The following SKIDA1 variants were observed in gnomAD, a reference collection of about 807,000 sequenced individuals.
The protein encoded by SKIDA1 is SKI/DACH domain containing 1.
In SKIDA1, 18 loss-of-function variants were observed where a neutral mutation model predicts 51.4. The ratio of observed to expected loss-of-function variants is 0.35; its 90% confidence interval spans 0.24 to 0.52. The LOEUF is 0.52. SKIDA1 is among the 20% of genes least tolerant of loss of function. SKIDA1 has a pLI of 0.95. For missense variants in SKIDA1, 1,104 were observed against 1,180.6 expected, an observed-to-expected ratio of 0.94 and a Z score of 0.95; for synonymous variants, 579 against 500.5, an observed-to-expected ratio of 1.16 and a Z score of -2.09.
chr10:21,521,784 C>T (rs553041275), intron 2 of SKIDA1, among the ~76,000 whole-genome samples: 4 of 152,232 alleles, frequency 2.6e-5, no homozygotes, highest in African/African-American at 9.6e-5. Flanking sequence ...AAAGGAAAAT[C>T]CTCTTTAGCA....
Position 21,514,834 on chromosome 10 carries a change from A to C in SKIDA1, c.*262T>G. On this transcript the variant is annotated 3_prime_UTR_variant, in exon 4 of 4. Coordinates refer to ENST00000449193, the MANE Select transcript of SKIDA1 (RefSeq NM_207371.4). ...AAAGTGTTCCAGCTCTACCGTAATA[A>C]CTGAGTTTTACTTGAGTCTTTAGCC... The C allele has an allele frequency of 2.7e-6, 1 of 368,042 alleles. No homozygotes were observed. Among genetic ancestry groups the C allele is most frequent in the Non-Finnish European group, 4.8e-6 (1 of 208,384 alleles). The allele number at this position is 368,042 out of a possible 1,614,324, so 22.8% of individuals were successfully genotyped here.
At chr10:21,520,471 C>T (rs2032361552) in intron 3 of SKIDA1, among the ~76,000 whole-genome samples, 2 of 3,952 alleles carry the variant, frequency 5.1e-4, no homozygotes, top group Admixed American at 1.6e-3. Context: ...CTCGCCCTCC[C>T]ACCCCCACCC....
At position 21,516,158 on chromosome 10, in the gene SKIDA1, G is replaced by A. The variant is rs1797275557; in HGVS notation, c.1665C>T (p.Phe555=). 1 of 1,614,000 alleles carries A rather than the reference G, an allele frequency of 6.2e-7. No homozygotes were observed. Among genetic ancestry groups the A allele is most frequent in the Non-Finnish European group, 8.5e-7 (1 of 1,179,894 alleles). Residue 555 remains phenylalanine (F), a synonymous_variant, in exon 4 of 4, where the codon TTC becomes TTT. Coordinates refer to ENST00000449193, the MANE Select transcript of SKIDA1 (RefSeq NM_207371.4). This position sits in a 1 kb window ranked among gnomAD's most constrained non-coding sequence, Gnocchi z 5.7. ...IRNDRVSEIT[F]PHSEISNAVK... is the part of the protein sequence containing the mutation. ...CAGCATTGGAAATTTCAGAGTGTGG[G>A]AATGTAATCTCAGATACCCTATCGT...
chr10:21,516,342 G>T lies in SKIDA1; in HGVS notation c.1481C>A (p.Thr494Asn), dbSNP rs1430829842. 7.4e-6 allele frequency: 12 copies of T among 1,613,530 alleles called. No homozygotes were observed. The highest frequency in any genetic ancestry group is 3.3e-5 in the Admixed American group (2 of 60,010). The change falls in exon 4 of 4, where the codon ACC becomes AAC. Residue 494 changes from threonine to asparagine, a missense_variant. Coordinates refer to ENST00000449193, the MANE Select transcript of SKIDA1 (RefSeq NM_207371.4). This position sits in a 1 kb window ranked among gnomAD's most constrained non-coding sequence, Gnocchi z 5.7. ...LYHLASAAAA[T>N]KPAAFEDAGR... ...GGCATCCTCGAAAGCAGCGGGTTTG[G>T]TTGCAGCGGCGGCGGAGGCCAGATG... is the stretch of plus-strand genomic sequence containing the variant.
At chr10:21,525,520 C>G (rs2032696178) in intron 1 of SKIDA1, 27 bp downstream of exon 1, 2 of 152,272 alleles carry the variant, frequency 1.3e-5, no homozygotes, top group African/African-American at 4.8e-5. Flanking sequence ...CGCTCCACCC[C>G]ACCCCGCCTC....
chr10:21,525,111 G>A (rs1420338462), intron 1 of SKIDA1, among the ~76,000 whole-genome samples: 1 of 152,220 alleles, frequency 6.6e-6, no homozygotes, highest in Admixed American at 6.5e-5. Flanking sequence ...TTCGAACTCA[G>A]TCATTTAAAT....
Position 21,521,438 on chromosome 10 carries a change from C to T in SKIDA1, c.-1886G>A, listed in dbSNP as rs963095714. 1.3e-5 allele frequency: 2 copies of T among 152,590 alleles called. No individual in the cohort carries two copies. Among genetic ancestry groups the T allele is most frequent in the Admixed American group, 1.3e-4 (2 of 15,276 alleles). The allele number at this position is 152,590 out of a possible 1,614,324, so 9.5% of individuals were successfully genotyped here. A position where few individuals can be genotyped will look rare whatever the true frequency, so the allele number is the denominator to read the frequency against. On this transcript the variant is annotated 5_prime_UTR_variant, in exon 3 of 4. An upstream open reading frame in the 5' UTR gains an earlier in-frame stop. Transcript: ENST00000449193. ...GTATAAAGTACTATTCTTCAAAAGC[C>T]AGGGGGTTTCTTTGATAAATTTGTT...
At chr10:21,524,340 A>G (rs2032555732) in intron 1 of SKIDA1, among the ~76,000 whole-genome samples, 1 of 152,154 alleles carries the variant, frequency 6.6e-6, no homozygotes, top group African/African-American at 2.4e-5. Flanking sequence ...ACATCTGTCT[A>G]AGCAGCGCAT....
In SKIDA1 at chr10:21,516,870, G is replaced by T; in HGVS notation, c.953C>A (p.Ala318Glu). Reference protein sequence around the residue: ...AAAAAAAAAAAGATCLERFHL... With the variant: ...AAAAAAAAAAEGATCLERFHL... ...AAACCTCTCCAGGCAAGTGGCCCCC[G>T]CGGCGGCCGCCGCCGCCGCTGCCGC... The change falls in exon 4 of 4, where the codon GCG becomes GAG. Residue 318 changes from alanine to glutamate, a missense_variant. By Grantham distance (107) the Ala-to-Glu change is moderately radical (BLOSUM62 -1). Transcript: ENST00000449193. The surrounding 1 kb of genome is among the most constrained non-coding windows in gnomAD (Gnocchi z 5.7). The T allele has an allele frequency of 7.7e-7, 1 of 1,303,252 alleles. No homozygotes were observed. The allele number at this position is 1,303,252 out of a possible 1,614,324, so 80.7% of individuals were successfully genotyped here.
chr10:21,520,149 A>G lies in SKIDA1; in HGVS notation c.-1836-491T>C, dbSNP rs140332608. 2.7e-4 allele frequency among the ~76,000 whole-genome samples: 41 copies of G among 152,354 alleles called. No individual in the cohort carries two copies. In the East Asian group the frequency reaches 6.7e-3, roughly 25 times the overall value. ...TTTTTGTCCCTTGAATGAAAGAAGGATCATTGAATGGATCTCGTGATATTT... is the reference window on the plus strand; with the variant it reads ...TTTTTGTCCCTTGAATGAAAGAAGGGTCATTGAATGGATCTCGTGATATTT... On this transcript the variant is annotated intron_variant, in intron 3 of 3. Transcript: ENST00000449193.
At position 21,516,894 on chromosome 10, in the gene SKIDA1, G is replaced by GGGTGTTTGCTGCA; in HGVS notation, c.928_929insTGCAGCAAACACC (p.Ala310ValfsTer133). On this transcript the variant is annotated frameshift_variant, in exon 4 of 4. Coordinates refer to ENST00000449193, the MANE Select transcript of SKIDA1 (RefSeq NM_207371.4). LOFTEE classifies it high-confidence loss of function. The surrounding 1 kb of genome is among the most constrained non-coding windows in gnomAD (Gnocchi z 5.7). ...CGCGGCGGCCGCCGCCGCCGCTGCC[G>GGGTGTTTGCTGCA]CCGCCGCCGCCGCCGCCGCCGCCTT... The GGGTGTTTGCTGCA allele has an allele frequency of 2.6e-5, 32 of 1,218,218 alleles. No individual in the cohort carries two copies. In the South Asian group the frequency reaches 3.8e-4, roughly 14 times the overall value. 75.5% of individuals were successfully genotyped at this position (1,218,218 alleles called of 1,614,324 possible).
chr10:21,523,067 A>G (rs1237123574), intron 2 of SKIDA1, among the ~76,000 whole-genome samples: 1 of 152,212 alleles, frequency 6.6e-6, no homozygotes, highest in African/African-American at 2.4e-5. Context: ...TAAACATAGG[A>G]GACAAGGAGG....
At position 21,515,106 on chromosome 10, in the gene SKIDA1, A is replaced by G; in HGVS notation, c.2717T>C (p.Phe906Ser). The G allele has an allele frequency of 6.3e-7, 1 of 1,598,708 alleles. No individual in the cohort carries two copies. The highest frequency in any genetic ancestry group is 8.5e-7 in the Non-Finnish European group (1 of 1,173,944). ...PLPPSHKFRKFNS is the reference protein window; with the variant it reads ...PLPPSHKFRKSNS ...TCTTCCAAAACATTTTTATGAATTAAATTTCCTGAATTTGTGACTAGGTGG... is the reference window on the plus strand; with the variant it reads ...TCTTCCAAAACATTTTTATGAATTAGATTTCCTGAATTTGTGACTAGGTGG... The change falls in exon 4 of 4, where the codon TTT becomes TCT. Residue 906 changes from phenylalanine to serine, a missense_variant. Physicochemically the swap from Phe to Ser is radical, Grantham distance 155 (BLOSUM62 -2). This residue lies in a region of SKIDA1 where 112 missense variants were observed against 168.3 expected (regional missense o/e 0.67). Coordinates refer to ENST00000449193, the MANE Select transcript of SKIDA1 (RefSeq NM_207371.4).
intron 3 of SKIDA1, among the ~76,000 whole-genome samples, chr10:21,520,477 C>A (rs1365783567): frequency 0.073 from 12 of 164 alleles, no homozygotes; most frequent in Non-Finnish European, 0.12. Context: ...CTCCCACCCC[C>A]ACCCCCGCCA....
Position 21,516,192 on chromosome 10 carries a change from T to C in SKIDA1, c.1631A>G (p.Glu544Gly). 6.2e-7 allele frequency: 1 copy of C among 1,614,050 alleles called. No individual in the cohort carries two copies. Among genetic ancestry groups the C allele is most frequent in the East Asian group, 2.2e-5 (1 of 44,890 alleles). ...CTCAGATACCCTATCGTTCCTTATC[T>C]CAGCGAAACAACTCCCCAGGCTGGC... The part of the protein sequence containing the change: ...CPASLGSCFA[E>G]IRNDRVSEIT... The change falls in exon 4 of 4, where the codon GAG becomes GGG. Residue 544 changes from glutamate to glycine, a missense_variant. Physicochemically the swap from Glu to Gly is moderately conservative, Grantham distance 98. Transcript: ENST00000449193. The surrounding 1 kb of genome is among the most constrained non-coding windows in gnomAD (Gnocchi z 5.7).
In SKIDA1 at chr10:21,516,695, G is replaced by T; in HGVS notation, c.1128C>A (p.Pro376=). 1 of 1,551,466 alleles carries T rather than the reference G, an allele frequency of 6.4e-7. No individual in the cohort carries two copies. The highest frequency in any genetic ancestry group is 8.7e-7 in the Non-Finnish European group (1 of 1,146,906). Reference sequence around the variant, plus strand: ...ACTCGGAGTCGCTGCTGCAGCTCTCGGGAAAGCTGCCCAGATGGGGCTGCG... The same window carrying T: ...ACTCGGAGTCGCTGCTGCAGCTCTCTGGAAAGCTGCCCAGATGGGGCTGCG... ...HRPQPHLGSF[P]ESCSSDSESS... is the part of the protein sequence containing the mutation. Residue 376 remains proline, a synonymous_variant, in exon 4 of 4, where the codon CCC becomes CCA. Transcript: ENST00000449193. The surrounding 1 kb of genome is among the most constrained non-coding windows in gnomAD (Gnocchi z 5.7).
Position 21,515,857 on chromosome 10 carries a change from C to T in SKIDA1, c.1966G>A (p.Glu656Lys). Residue 656 changes from glutamate to lysine, a missense_variant, in exon 4 of 4, where the codon GAA becomes AAA. This residue lies in a region of SKIDA1 where 938 missense variants were observed against 886.4 expected (regional missense o/e 1.06). Transcript: ENST00000449193. ...GCTGCTGCTCCTGCAGCGTTCACTT[C>T]AGGATCAGTCTGCGAAGAGGGCAAA... Reference protein sequence around the residue: ...TDLPSSQTDPEVNAAGAAATK... With the variant: ...TDLPSSQTDPKVNAAGAAATK... The T allele has an allele frequency of 6.2e-7, 1 of 1,614,044 alleles. No homozygotes were observed. The highest frequency in any genetic ancestry group is 8.5e-7 in the Non-Finnish European group (1 of 1,179,900).
At chr10:21,520,966 C>T (rs985900560) in intron 3 of SKIDA1, among the ~76,000 whole-genome samples, 1 of 151,648 alleles carries the variant, frequency 6.6e-6, no homozygotes, top group Non-Finnish European at 1.5e-5. Context: ...CATCTTTCTT[C>T]GTGTCTAATA....
At chr10:21,524,025 C>G (rs1370792359) in intron 1 of SKIDA1, 154 bp from the exon 2 acceptor site, 1 of 152,104 alleles carries the variant, frequency 6.6e-6, no homozygotes, top group Non-Finnish European at 1.5e-5. Flanking sequence ...AGACTGGACA[C>G]TCAACACTGA....
Sources: gnomAD v4.1 joint callset for allele counts (sites outside exome capture counted in the v4.1 genomes callset) on GRCh38, gnomAD v4.1.1 for gene constraint, gnomAD v4.1.1 regional missense constraint, Gnocchi (gnomAD v3.1) non-coding constraint, MANE v1.5 for transcripts, NCBI Gene and HGNC (gene_info 2026-07-23, HGNC 2026-07-21) for gene names.